The following SYN2 variants were observed in gnomAD, a reference collection of about 807,000 sequenced individuals.
SYN2 encodes the protein synapsin II.
SYN2 carries 19 observed loss-of-function variants against 50.9 expected under a neutral mutation model. That is an observed-to-expected ratio of 0.37 (90% CI 0.26 to 0.55). The LOEUF is 0.55. Ranked by LOEUF, SYN2 falls within the 20% of genes least tolerant of loss-of-function variation. SYN2 has a pLI of 0.81. For synonymous variants in SYN2, 255 were observed against 224.9 expected (o/e 1.13, Z -1.20); for missense variants, 587 against 576.4 (o/e 1.02, Z -0.19).
At chr3:12,060,425 G>C (rs1559403946) in intron 1 of SYN2, among the ~76,000 whole-genome samples, 1 of 152,120 alleles carries the variant, frequency 6.6e-6, no homozygotes, top group African/African-American at 2.4e-5. Flanking sequence ...TCTGACTCCA[G>C]CCCCCTCTAG....
intron 1 of SYN2, among the ~76,000 whole-genome samples, chr3:12,007,218 A>G (rs750351663): frequency 9.2e-5 from 14 of 152,234 alleles, no homozygotes; most frequent in Non-Finnish European, 1.9e-4. Context: ...GATGGAAGTC[A>G]TAGAAGCCAC....
chr3:12,161,391 T>C (rs1415702301), intron 5 of SYN2, among the ~76,000 whole-genome samples, 155 bp from the exon 6 acceptor site: 1 of 152,218 alleles, frequency 6.6e-6, no homozygotes, highest in African/African-American at 2.4e-5. Flanking sequence ...CTCACTGTCA[T>C]TCCATGGGTC....
At chr3:12,174,448 T>C (rs2125247580) in intron 10 of SYN2, among the ~76,000 whole-genome samples, 1 of 152,254 alleles carries the variant, frequency 6.6e-6, no homozygotes, top group South Asian at 2.1e-4. Flanking sequence ...GCCTTTGTAT[T>C]AGGCTGTGCT....
intron 11 of SYN2, chr3:12,185,644 C>A: frequency 1.0e-6 from 1 of 985,830 alleles, no homozygotes; most frequent in Non-Finnish European, 1.2e-6. Context: ...AGAACCTCAG[C>A]CAATGCTGGA....
At chr3:12,150,752 T>C (rs997703307) in intron 4 of SYN2, among the ~76,000 whole-genome samples, 1 of 152,210 alleles carries the variant, frequency 6.6e-6, no homozygotes, top group African/African-American at 2.4e-5. Context: ...TTCTTGGTGA[T>C]TCCATACTGC....
intron 1 of SYN2, among the ~76,000 whole-genome samples, chr3:12,138,081 G>T (rs972019287): frequency 4.6e-5 from 7 of 152,132 alleles, no homozygotes; most frequent in Non-Finnish European, 8.8e-5. Context: ...TATCAGGAAA[G>T]ACTTCTATCA....
intron 1 of SYN2, among the ~76,000 whole-genome samples, chr3:12,077,607 A>G (rs1250025026): frequency 6.6e-6 from 1 of 152,116 alleles, no homozygotes; most frequent in Admixed American, 6.6e-5. Flanking sequence ...TGCTGAGGAT[A>G]ATGGCTTCCA....
chr3:12,081,723 C>A (rs1174619163), intron 1 of SYN2, among the ~76,000 whole-genome samples: 1 of 152,284 alleles, frequency 6.6e-6, no homozygotes. Flanking sequence ...CATATGCCCC[C>A]TCTTCCACCA....
At chr3:12,112,485 C>A (rs1435083262) in intron 1 of SYN2, among the ~76,000 whole-genome samples, 2 of 152,030 alleles carry the variant, frequency 1.3e-5, no homozygotes, top group African/African-American at 4.8e-5. Flanking sequence ...GGTATGCTTT[C>A]AAAAATTTTG....
chr3:12,015,702 C>G (rs965519422), intron 1 of SYN2, among the ~76,000 whole-genome samples: 1 of 152,208 alleles, frequency 6.6e-6, no homozygotes, highest in African/African-American at 2.4e-5. Context: ...TCTGATGTTC[C>G]TAAACACCCC....
chr3:12,079,249 C>T (rs1228536658), intron 1 of SYN2, among the ~76,000 whole-genome samples: 3 of 152,148 alleles, frequency 2.0e-5, no homozygotes, highest in Admixed American at 6.6e-5. Flanking sequence ...CATCTGTAAA[C>T]AAAGACAATT....
chr3:12,004,530 C>G lies in SYN2; in HGVS notation c.-22C>G. ...CGCCACCAGACCCCGTAGCCCCGCG[C>G]GCCCCCAGCCCTTTAAGCCAGATGA... On this transcript the variant is annotated 5_prime_UTR_variant, in exon 1 of 13. Coordinates refer to ENST00000621198, the MANE Select transcript of SYN2 (RefSeq NM_133625.6). 1.7e-6 allele frequency: 1 copy of G among 591,088 alleles called. No individual in the cohort carries two copies. The highest frequency in any genetic ancestry group is 3.1e-6 in the Non-Finnish European group (1 of 318,450). The allele number at this position is 591,088 out of a possible 1,614,324, so 36.6% of individuals were successfully genotyped here. A position where few individuals can be genotyped will look rare whatever the true frequency, so the allele number is the denominator to read the frequency against.
intron 1 of SYN2, among the ~76,000 whole-genome samples, chr3:12,120,799 C>T (rs558667800): frequency 1.3e-5 from 2 of 152,110 alleles, no homozygotes; most frequent in Non-Finnish European, 2.9e-5. Flanking sequence ...TTCCCAGTGT[C>T]TCCTTCATGT....
At chr3:12,029,853 AT>A (rs1204957342) in intron 1 of SYN2, among the ~76,000 whole-genome samples, 2 of 99,176 alleles carry the variant, frequency 2.0e-5, no homozygotes, top group Middle Eastern at 3.6e-3. Context: ...TCTTTTCCTA[AT>A]TGAATACCCT....
intron 1 of SYN2, among the ~76,000 whole-genome samples, chr3:12,037,349 A>G (rs1004955133): frequency 1.8e-4 from 27 of 152,322 alleles, no homozygotes; most frequent in Middle Eastern, 3.4e-3. Context: ...GGTATTTGTT[A>G]TAGCAACAGC....
At chr3:12,177,669 TGAG>T (rs1035506695) in intron 10 of SYN2, among the ~76,000 whole-genome samples, 1 of 152,196 alleles carries the variant, frequency 6.6e-6, no homozygotes, top group Non-Finnish European at 1.5e-5. Flanking sequence ...GCTGAGAATG[TGAG>T]GAGATTTGGG....
chr3:12,044,331 A>T (rs1694691555), intron 1 of SYN2, among the ~76,000 whole-genome samples: 1 of 152,190 alleles, frequency 6.6e-6, no homozygotes. Flanking sequence ...AACTGGTAGA[A>T]TATCATATTC....
At chr3:12,065,936 C>G (rs914379827) in intron 1 of SYN2, among the ~76,000 whole-genome samples, 1 of 152,094 alleles carries the variant, frequency 6.6e-6, no homozygotes, top group Non-Finnish European at 1.5e-5. Context: ...CCAGAATAGG[C>G]AACTCTGTAG....
At chr3:12,185,133 G>A in intron 11 of SYN2, 2 of 985,776 alleles carry the variant, frequency 2.0e-6, no homozygotes, top group Non-Finnish European at 2.4e-6. Context: ...TTGATCTGTT[G>A]TAAATATATA....
Sources: allele counts gnomAD v4.1 joint callset (sites outside exome capture counted in the v4.1 genomes callset), GRCh38; gene constraint gnomAD v4.1.1; transcripts MANE v1.5; gene names NCBI Gene and HGNC (gene_info 2026-07-23, HGNC 2026-07-21).